Variants in SLC41A2 observed in about 807,000 individuals in gnomAD.
SLC41A2 encodes the protein solute carrier family 41 member 2.
In SLC41A2, 32 loss-of-function variants were observed where a neutral mutation model predicts 58.3. That is an observed-to-expected ratio of 0.55 (90% CI 0.41 to 0.74). The LOEUF is 0.74. SLC41A2 is among the 30% of genes least tolerant of loss of function. The pLI is 0.00. For missense variants in SLC41A2, 514 were observed against 680.6 expected (o/e 0.76, Z 2.72); for synonymous variants, 190 against 235.0 (o/e 0.81, Z 1.75).
intron 4 of SLC41A2, among the ~76,000 whole-genome samples, chr12:104,890,566 C>T (rs944663563): frequency 1.3e-5 from 2 of 152,080 alleles, no homozygotes; most frequent in African/African-American, 4.8e-5. Flanking sequence ...AATAAAAGCA[C>T]ACAGCTGAGA....
chr12:104,957,587 C>G (rs992455804), intron 1 of SLC41A2, among the ~76,000 whole-genome samples: 4 of 152,192 alleles, frequency 2.6e-5, no homozygotes, highest in African/African-American at 9.7e-5. Context: ...CAATGTATAT[C>G]GGTAACACAT....
At chr12:104,809,624 T>A (rs1429941723) in intron 10 of SLC41A2, among the ~76,000 whole-genome samples, 1 of 152,202 alleles carries the variant, frequency 6.6e-6, no homozygotes, top group Non-Finnish European at 1.5e-5. Context: ...GAAAGAATCC[T>A]GGAGTGGGAA....
At chr12:104,947,365 G>A (rs530868628) in intron 1 of SLC41A2, among the ~76,000 whole-genome samples, 80 of 151,332 alleles carry the variant, frequency 5.3e-4, no homozygotes, top group South Asian at 1.3e-3. Context: ...CACCATGCTC[G>A]GCTAATTTTT....
At chr12:104,906,741 C>T (rs935538914) in intron 3 of SLC41A2, among the ~76,000 whole-genome samples, 6 of 152,154 alleles carry the variant, frequency 3.9e-5, no homozygotes, top group African/African-American at 1.4e-4. Context: ...ATGCTTTTAA[C>T]GACGAACGCA....
chr12:104,931,858 C>T (rs1365521827), intron 1 of SLC41A2: 1 of 152,190 alleles, frequency 6.6e-6, no homozygotes, highest in African/African-American at 2.4e-5. Context: ...AATCTCTATA[C>T]CATTTAGTTA....
At chr12:104,854,306 G>A (rs1271005662) in intron 8 of SLC41A2, among the ~76,000 whole-genome samples, 3 of 152,002 alleles carry the variant, frequency 2.0e-5, no homozygotes, top group African/African-American at 7.2e-5. Context: ...GCTCACGCCT[G>A]TAATCCCAGC....
intron 10 of SLC41A2, among the ~76,000 whole-genome samples, chr12:104,824,692 C>T (rs1443124449): frequency 6.6e-6 from 1 of 152,132 alleles, no homozygotes; most frequent in Non-Finnish European, 1.5e-5. Context: ...CCCACTGGGG[C>T]TTCAGTTGCA....
intron 3 of SLC41A2, among the ~76,000 whole-genome samples, chr12:104,901,623 C>T (rs1203309959): frequency 6.6e-6 from 1 of 152,054 alleles, no homozygotes; most frequent in Non-Finnish European, 1.5e-5. Flanking sequence ...CATCTCAGTT[C>T]ACTGCAACCA....
intron 2 of SLC41A2, among the ~76,000 whole-genome samples, chr12:104,917,525 T>C (rs1387843519): frequency 6.6e-6 from 1 of 151,694 alleles, no homozygotes; most frequent in Admixed American, 6.6e-5. Context: ...CACATGCACA[T>C]GTATGTTTAT....
At chr12:104,827,873 T>G (rs1459264246) in intron 10 of SLC41A2, among the ~76,000 whole-genome samples, 1 of 152,118 alleles carries the variant, frequency 6.6e-6, no homozygotes, top group Non-Finnish European at 1.5e-5. Context: ...GATACAGAAG[T>G]GCTGGGAAGG....
chr12:104,817,163 A>C (rs1478943165), intron 10 of SLC41A2, among the ~76,000 whole-genome samples: 1 of 152,238 alleles, frequency 6.6e-6, no homozygotes, highest in Non-Finnish European at 1.5e-5. Context: ...ACTGTAACAG[A>C]ACCAGAAGTA....
At position 104,834,682 on chromosome 12, in the gene SLC41A2, A is replaced by T. The variant is rs539204111; in HGVS notation, c.1536+9790T>A. ...AGGGTTTGAGTTAGCATCATGATTT[A>T]AAAAAAAAAAAAGACATAACTACAT... On this transcript the variant is annotated intron_variant, in intron 10 of 10. Transcript: ENST00000258538. Among the ~76,000 whole-genome samples, 19 of 143,316 alleles carry T rather than the reference A, an allele frequency of 1.3e-4. No homozygotes were observed. In the South Asian group the frequency reaches 3.0e-3, roughly 23 times the overall value. 94.0% of individuals were successfully genotyped at this position (143,316 alleles called of 152,430 possible). A position where few individuals can be genotyped will look rare whatever the true frequency, so the allele number is the denominator to read the frequency against.
chr12:104,809,592 A>G (rs2041083373), intron 10 of SLC41A2, among the ~76,000 whole-genome samples: 1 of 152,198 alleles, frequency 6.6e-6, no homozygotes, highest in Non-Finnish European at 1.5e-5. Flanking sequence ...TGTTTTGGGT[A>G]TGGAGGAAGC....
intron 3 of SLC41A2, among the ~76,000 whole-genome samples, chr12:104,899,987 T>C (rs2045482192): frequency 6.6e-6 from 1 of 152,142 alleles, no homozygotes; most frequent in Non-Finnish European, 1.5e-5. Context: ...TTTCACCAGA[T>C]CTTATACTTA....
At chr12:104,829,969 G>A (rs896496113) in intron 10 of SLC41A2, among the ~76,000 whole-genome samples, 3 of 152,076 alleles carry the variant, frequency 2.0e-5, no homozygotes, top group African/African-American at 4.8e-5. Flanking sequence ...GAGTACTTGC[G>A]ACAAAGACTA....
intron 6 of SLC41A2, among the ~76,000 whole-genome samples, chr12:104,867,523 C>G (rs2043526410): frequency 6.6e-6 from 1 of 151,712 alleles, no homozygotes; most frequent in Non-Finnish European, 1.5e-5. Context: ...CAACTCTTAT[C>G]TTTGACTGAA....
At chr12:104,944,094 G>T (rs1565921349) in intron 1 of SLC41A2, among the ~76,000 whole-genome samples, 1 of 152,094 alleles carries the variant, frequency 6.6e-6, no homozygotes, top group African/African-American at 2.4e-5. Context: ...CATCTGTAAG[G>T]TTATCATTTT....
intron 10 of SLC41A2, among the ~76,000 whole-genome samples, chr12:104,838,008 G>C (rs1486666022): frequency 6.6e-6 from 1 of 152,148 alleles, no homozygotes; most frequent in African/African-American, 2.4e-5. Context: ...CCTATCTTTT[G>C]CCCTTCGTAT....
chr12:104,822,664 A>G (rs2041682886), intron 10 of SLC41A2, among the ~76,000 whole-genome samples: 1 of 152,186 alleles, frequency 6.6e-6, no homozygotes, highest in Non-Finnish European at 1.5e-5. Flanking sequence ...TCTCTTGACT[A>G]AGCTCAGTAT....
Sources: gnomAD v4.1 joint callset for allele counts (sites outside exome capture counted in the v4.1 genomes callset) on GRCh38, gnomAD v4.1.1 for gene constraint, MANE v1.5 for transcripts, NCBI Gene and HGNC (gene_info 2026-07-23, HGNC 2026-07-21) for gene names.